The following IMMP2L variants were observed in gnomAD, a reference collection of about 807,000 sequenced individuals.
IMMP2L encodes the protein inner mitochondrial membrane peptidase subunit 2, also known as mitochondrial inner membrane protease subunit 2.
In IMMP2L, 18 loss-of-function variants were observed where a neutral mutation model predicts 19.3. The observed-to-expected ratio is 0.93, with a 90% CI of 0.64 to 1.38. The LOEUF (loss-of-function observed/expected upper bound fraction) is 1.38. Ranked by LOEUF, IMMP2L falls within the 40% of genes most tolerant of loss-of-function variation. IMMP2L has a pLI of 0.00. For synonymous variants in IMMP2L, 76 were observed against 73.0 expected, an observed-to-expected ratio of 1.04 and a Z score of -0.21; for missense variants, 233 against 218.2, an observed-to-expected ratio of 1.07 and a Z score of -0.43.
intron 1 of IMMP2L, among the ~76,000 whole-genome samples, chr7:111,539,306 A>G (rs1848314836): frequency 6.6e-6 from 1 of 152,154 alleles, no homozygotes; most frequent in Admixed American, 6.5e-5. Context: ...ATATCTGTAT[A>G]TTGAACTTCA....
intron 5 of IMMP2L, among the ~76,000 whole-genome samples, chr7:110,696,835 G>A (rs577580453): frequency 3.9e-5 from 6 of 152,056 alleles, no homozygotes; most frequent in Non-Finnish European, 7.4e-5. Context: ...TTGGGGGGAC[G>A]GATGGGTAAT....
chr7:111,396,638 C>A (rs994567322), intron 3 of IMMP2L, among the ~76,000 whole-genome samples: 16 of 151,982 alleles, frequency 1.1e-4, no homozygotes, highest in Non-Finnish European at 2.1e-4. Context: ...GTACGTTTTG[C>A]ATATGTATCC....
chr7:111,500,287 T>C (rs1054718172), intron 2 of IMMP2L, among the ~76,000 whole-genome samples: 7 of 152,190 alleles, frequency 4.6e-5, no homozygotes, highest in Non-Finnish European at 1.0e-4. Flanking sequence ...GAGGCTCGAT[T>C]AGGTAAACAA....
chr7:110,917,565 C>A (rs574333713), intron 4 of IMMP2L, among the ~76,000 whole-genome samples: 21 of 152,260 alleles, frequency 1.4e-4, no homozygotes, highest in Non-Finnish European at 2.6e-4. Flanking sequence ...CCAAGTAGAT[C>A]TGACTCCAGT....
chr7:111,232,394 A>C (rs1230069208), intron 3 of IMMP2L, among the ~76,000 whole-genome samples: 1 of 151,120 alleles, frequency 6.6e-6, no homozygotes, highest in African/African-American at 2.4e-5. Flanking sequence ...TTTTTTAAGA[A>C]AAACATTTAG....
At chr7:111,137,955 G>A (rs567336524) in intron 3 of IMMP2L, among the ~76,000 whole-genome samples, 1 of 152,268 alleles carries the variant, frequency 6.6e-6, no homozygotes, top group South Asian at 2.1e-4. Flanking sequence ...TTCCTGAGGA[G>A]CTGGGATTAC....
intron 5 of IMMP2L, among the ~76,000 whole-genome samples, chr7:110,700,700 G>A (rs1213668594): frequency 2.0e-5 from 3 of 152,076 alleles, no homozygotes; most frequent in Non-Finnish European, 4.4e-5. Flanking sequence ...AGCATCTGTT[G>A]GATATTGGAC....
At chr7:110,823,887 G>A (rs192110101) in intron 5 of IMMP2L, among the ~76,000 whole-genome samples, 11 of 152,042 alleles carry the variant, frequency 7.2e-5, no homozygotes, top group South Asian at 6.2e-4. Flanking sequence ...AAAGAACATC[G>A]GAATTTAAAC....
chr7:110,756,676 G>A (rs957505597), intron 5 of IMMP2L, among the ~76,000 whole-genome samples: 2 of 152,076 alleles, frequency 1.3e-5, no homozygotes, highest in East Asian at 1.9e-4. Flanking sequence ...ATACTCATGC[G>A]TACATTTCTA....
chr7:111,436,814 G>A (rs530091599), intron 3 of IMMP2L, among the ~76,000 whole-genome samples: 3 of 151,852 alleles, frequency 2.0e-5, no homozygotes, highest in Non-Finnish European at 4.4e-5. Flanking sequence ...GAAGCAGATT[G>A]CTAGCATCTG....
At chr7:110,792,329 G>A (rs10262138) in intron 5 of IMMP2L, among the ~76,000 whole-genome samples, 123,672 of 151,550 alleles carry the variant, frequency 0.82, 51,543 homozygotes, top group South Asian at 0.9. Context: ...CAGGTACTGA[G>A]TTGATACCAT....
chr7:111,407,455 A>G (rs1317012531), intron 3 of IMMP2L, among the ~76,000 whole-genome samples: 1 of 152,138 alleles, frequency 6.6e-6, no homozygotes, highest in Admixed American at 6.5e-5. Context: ...CATCTAAACA[A>G]AAAATAATAT....
chr7:111,326,579 G>A (rs1442010003), intron 3 of IMMP2L, among the ~76,000 whole-genome samples: 1 of 151,786 alleles, frequency 6.6e-6, no homozygotes, highest in Non-Finnish European at 1.5e-5. Flanking sequence ...TGGCCAATAG[G>A]AATATGCAAA....
At chr7:111,107,276 T>A (rs1164396543) in intron 3 of IMMP2L, among the ~76,000 whole-genome samples, 1 of 152,052 alleles carries the variant, frequency 6.6e-6, no homozygotes, top group Non-Finnish European at 1.5e-5. Flanking sequence ...TAAAGTCTAA[T>A]AATTTAAATT....
At chr7:111,108,639 A>C (rs1047627033) in intron 3 of IMMP2L, among the ~76,000 whole-genome samples, 2 of 152,178 alleles carry the variant, frequency 1.3e-5, no homozygotes, top group African/African-American at 2.4e-5. Context: ...TCACAGATTT[A>C]ATTATACCCT....
chr7:110,712,685 G>A (rs9801152), intron 5 of IMMP2L, among the ~76,000 whole-genome samples: 1 of 56,910 alleles, frequency 1.8e-5, no homozygotes, highest in Non-Finnish European at 4.0e-5. Flanking sequence ...AGGACCCTCC[G>A]AGCCAGGTGT....
rs148959718 is a variant in IMMP2L, at chr7:111,432,515, T to C, written c.239+54723A>G. 4.3e-4 allele frequency among the ~76,000 whole-genome samples: 66 copies of C among 151,892 alleles called. 1 individual carries two copies. Among genetic ancestry groups the C allele is most frequent in the African/African-American group, 1.6e-3 (64 of 41,224 alleles). ...AAAATGCCTTCAGTAAAATTCAGCATGGCTTCGTGATAAAAATCCTCAACA... is the reference window on the plus strand; with the variant it reads ...AAAATGCCTTCAGTAAAATTCAGCACGGCTTCGTGATAAAAATCCTCAACA... On this transcript the variant is annotated intron_variant, in intron 3 of 5. Coordinates refer to ENST00000405709, the MANE Select transcript of IMMP2L (RefSeq NM_032549.4).
chr7:110,986,875 T>C (rs1189070602), intron 3 of IMMP2L, among the ~76,000 whole-genome samples: 2 of 151,872 alleles, frequency 1.3e-5, no homozygotes, highest in African/African-American at 2.4e-5. Context: ...ACCCCAAACA[T>C]TGGCTATAGG....
intron 5 of IMMP2L, among the ~76,000 whole-genome samples, chr7:110,693,837 G>C (rs1482568994): frequency 1.3e-5 from 2 of 152,086 alleles, no homozygotes; most frequent in Admixed American, 6.6e-5. Flanking sequence ...GTTTTGTTTT[G>C]TTGTTGTTGT....
Sources: gnomAD v4.1 joint callset for allele counts (sites outside exome capture counted in the v4.1 genomes callset) on GRCh38, gnomAD v4.1.1 for gene constraint, MANE v1.5 for transcripts, NCBI Gene and HGNC (gene_info 2026-07-23, HGNC 2026-07-21) for gene names.